Variants in CSMD3 observed in about 807,000 individuals in gnomAD.
CSMD3 encodes the protein CUB and Sushi multiple domains 3.
A neutral mutation model predicts 435.2 loss-of-function variants in CSMD3; 177 were observed. The observed-to-expected ratio is 0.41, with a 90% CI of 0.36 to 0.46. The LOEUF (loss-of-function observed/expected upper bound fraction) is 0.46. Ranked by LOEUF, CSMD3 falls within the 20% of genes least tolerant of loss-of-function variation. The probability of loss-of-function intolerance (pLI) is 0.34; values close to 1 mark genes in which losing one functional copy is unlikely to be tolerated. For missense variants in CSMD3, 4,265 were observed against 4,504.6 expected, an observed-to-expected ratio of 0.95 and a Z score of 1.52; for synonymous variants, 1,656 against 1,520.5, an observed-to-expected ratio of 1.09 and a Z score of -2.07.
intron 67 of CSMD3, 32 bp downstream of exon 67, chr8:112,237,158 G>A (rs756492105): frequency 4.6e-5 from 74 of 1,602,440 alleles, no homozygotes; most frequent in African/African-American, 8.0e-5. Context: ...AAGTCATGAA[G>A]GTATATTTCG....
At chr8:113,325,586 A>G (rs892380867) in intron 1 of CSMD3, among the ~76,000 whole-genome samples, 1 of 152,146 alleles carries the variant, frequency 6.6e-6, no homozygotes, top group African/African-American at 2.4e-5. Context: ...CAGGATGAAA[A>G]CAGACTAATA....
chr8:112,665,697 G>A (rs1204947181), intron 17 of CSMD3, among the ~76,000 whole-genome samples: 5 of 152,054 alleles, frequency 3.3e-5, no homozygotes, highest in African/African-American at 7.2e-5. Flanking sequence ...ATTCAATAAC[G>A]TAAGAGAAGT....
chr8:113,096,043 T>C (rs1264348863), intron 5 of CSMD3, among the ~76,000 whole-genome samples: 1 of 152,160 alleles, frequency 6.6e-6, no homozygotes, highest in Non-Finnish European at 1.5e-5. Flanking sequence ...TTTTCCTTTT[T>C]TTAAATTTAA....
At position 113,151,819 on chromosome 8, in the gene CSMD3, T is replaced by C. The variant is rs968821683; in HGVS notation, c.709+21903A>G. Among the ~76,000 whole-genome samples, 12 of 152,140 alleles carry C rather than the reference T, an allele frequency of 7.9e-5. No homozygotes were observed. In the East Asian group the frequency reaches 2.3e-3, roughly 29 times the overall value. On this transcript the variant is annotated intron_variant, in intron 4 of 70. Coordinates refer to ENST00000297405, the MANE Select transcript of CSMD3 (RefSeq NM_198123.2). ...ATGATTTTGAGAAAAATGCCTAACTTCTCTGACACATATTAGAAGTTTTGA... is the reference window on the plus strand; with the variant it reads ...ATGATTTTGAGAAAAATGCCTAACTCCTCTGACACATATTAGAAGTTTTGA...
chr8:113,065,383 TTTTG>T (rs564938394), intron 5 of CSMD3, among the ~76,000 whole-genome samples: 16 of 152,062 alleles, frequency 1.1e-4, no homozygotes, highest in South Asian at 1.0e-3. Flanking sequence ...AGCCTCATGT[TTTTG>T]TTTGTTTGTT....
chr8:112,491,348 A>T (rs1384203872), intron 31 of CSMD3, among the ~76,000 whole-genome samples: 3 of 152,136 alleles, frequency 2.0e-5, no homozygotes, highest in African/African-American at 4.8e-5. Flanking sequence ...AACAGAGAAA[A>T]GTTCCAAAAG....
intron 32 of CSMD3, among the ~76,000 whole-genome samples, chr8:112,428,127 A>G (rs1280400393): frequency 2.0e-5 from 3 of 152,120 alleles, no homozygotes; most frequent in Non-Finnish European, 4.4e-5. Flanking sequence ...TTAGAAAAGG[A>G]TTCATGTATG....
chr8:113,210,592 AG>A (rs1425395550), intron 3 of CSMD3, among the ~76,000 whole-genome samples: 1 of 151,960 alleles, frequency 6.6e-6, no homozygotes, highest in East Asian at 1.9e-4. Flanking sequence ...AATCTTAGAA[AG>A]GCTGTGGGGC....
intron 28 of CSMD3, among the ~76,000 whole-genome samples, chr8:112,508,605 C>G (rs1396956311): frequency 6.6e-6 from 1 of 152,134 alleles, no homozygotes; most frequent in Non-Finnish European, 1.5e-5. Flanking sequence ...CTGCCCTTTC[C>G]TCTGACTTCG....
intron 1 of CSMD3, among the ~76,000 whole-genome samples, chr8:113,350,603 C>T (rs573558856): frequency 1.3e-5 from 2 of 152,174 alleles, no homozygotes; most frequent in African/African-American, 4.8e-5. Flanking sequence ...AAAGATCAAA[C>T]CATTCCAATT....
At chr8:113,222,789 T>C (rs1003448237) in intron 3 of CSMD3, among the ~76,000 whole-genome samples, 26 of 151,136 alleles carry the variant, frequency 1.7e-4, no homozygotes, top group African/African-American at 5.3e-4. Flanking sequence ...GTGATTTTTA[T>C]AATGATTCCC....
At chr8:112,308,943 AT>A (rs1241425499) in intron 50 of CSMD3, among the ~76,000 whole-genome samples, 1 of 152,018 alleles carries the variant, frequency 6.6e-6, no homozygotes, top group Non-Finnish European at 1.5e-5. Context: ...ACATACAAAC[AT>A]TTCATTTCAA....
intron 42 of CSMD3, 57 bp from the exon 43 acceptor site, chr8:112,337,788 A>G: frequency 7.5e-7 from 1 of 1,329,694 alleles, no homozygotes; most frequent in Non-Finnish European, 1.1e-6. Context: ...GGCCACAGAT[A>G]GGGTACTACA....
chr8:113,253,202 T>C (rs2093349327), intron 3 of CSMD3, among the ~76,000 whole-genome samples: 2 of 151,788 alleles, frequency 1.3e-5, no homozygotes, highest in Admixed American at 6.6e-5. Context: ...GCTGGGGACA[T>C]CAGGACAAGT....
chr8:112,971,144 C>T (rs1281041168), intron 7 of CSMD3, among the ~76,000 whole-genome samples: 3 of 152,160 alleles, frequency 2.0e-5, no homozygotes, highest in South Asian at 2.1e-4. Flanking sequence ...AAGTGTTTCT[C>T]ATAATAAATT....
chr8:113,239,500 A>ATCTT (rs2093187916), intron 3 of CSMD3, among the ~76,000 whole-genome samples: 1 of 139,104 alleles, frequency 7.2e-6, no homozygotes, highest in Non-Finnish European at 1.6e-5. Flanking sequence ...ATGTAGTTTT[A>ATCTT]TCTATCTATC....
At chr8:112,932,564 G>A (rs75233071) in intron 9 of CSMD3, among the ~76,000 whole-genome samples, 8 of 152,088 alleles carry the variant, frequency 5.3e-5, no homozygotes, top group Non-Finnish European at 1.0e-4. Context: ...CATGAACCCA[G>A]AAGGCGGAGC....
intron 7 of CSMD3, among the ~76,000 whole-genome samples, chr8:112,971,902 A>G (rs891793804): frequency 6.6e-6 from 1 of 152,168 alleles, no homozygotes; most frequent in African/African-American, 2.4e-5. Context: ...TAACTATAGT[A>G]CAATAGGAAA....
intron 8 of CSMD3, among the ~76,000 whole-genome samples, chr8:112,950,152 A>G (rs1160108699): frequency 1.3e-5 from 2 of 152,072 alleles, no homozygotes; most frequent in East Asian, 1.9e-4. Flanking sequence ...TAGAGAAAAA[A>G]CATTATTTTA....
Sources: allele counts gnomAD v4.1 joint callset (sites outside exome capture counted in the v4.1 genomes callset), GRCh38; gene constraint gnomAD v4.1.1; transcripts MANE v1.5; gene names NCBI Gene and HGNC (gene_info 2026-07-23, HGNC 2026-07-21).